DYNC2H1: variants seen among roughly 807,000 people sequenced by gnomAD.
DYNC2H1 encodes cytoplasmic dynein 2 heavy chain 1.
A neutral mutation model predicts 570.0 loss-of-function variants in DYNC2H1; 410 were observed. The observed-to-expected ratio is 0.72, with a 90% CI of 0.66 to 0.78. The LOEUF is 0.78. DYNC2H1 is among the 30% of genes least tolerant of loss of function. The pLI, the probability that DYNC2H1 is intolerant of heterozygous loss-of-function variation, is 0.00. For missense variants in DYNC2H1, 4,865 were observed against 5,046.4 expected (o/e 0.96, Z 1.09); for synonymous variants, 1,688 against 1,677.6 (o/e 1.01, Z -0.15).
intron 75 of DYNC2H1, among the ~76,000 whole-genome samples, chr11:103,295,439 A>G (rs544828808): frequency 2.0e-5 from 3 of 152,358 alleles, no homozygotes; most frequent in South Asian, 4.1e-4. Context: ...ACACAAAGGA[A>G]TGTTCTCTGG....
intron 80 of DYNC2H1, among the ~76,000 whole-genome samples, chr11:103,318,080 T>G (rs562551013): frequency 3.4e-4 from 52 of 152,296 alleles, no homozygotes; most frequent in African/African-American, 1.2e-3. Flanking sequence ...AGGATAAGGA[T>G]GGACAGCTAG....
chr11:103,119,489 G>A (rs373902855), intron 6 of DYNC2H1, among the ~76,000 whole-genome samples: 2 of 151,968 alleles, frequency 1.3e-5, no homozygotes, highest in African/African-American at 2.4e-5. Flanking sequence ...ACAGGTGCAC[G>A]CCACCACACC....
At position 103,189,855 on chromosome 11, in the gene DYNC2H1, G is replaced by A; in HGVS notation, c.7437+39G>A. On this transcript the variant is annotated intron_variant, in intron 45 of 88. Coordinates refer to ENST00000375735, the MANE Select transcript of DYNC2H1 (RefSeq NM_001377.3). This position sits in a 1 kb window ranked among gnomAD's most constrained non-coding sequence, Gnocchi z 4.3. Reference sequence around the variant, plus strand: ...TAAATTGTAGCTTTCATGTCTATTAGTATCATTTCTAAAGGTCTACTTTTA... The same window carrying A: ...TAAATTGTAGCTTTCATGTCTATTAATATCATTTCTAAAGGTCTACTTTTA... The A allele has an allele frequency of 1.3e-6, 2 of 1,543,746 alleles. No homozygotes were observed. The highest frequency in any genetic ancestry group is 1.7e-6 in the Non-Finnish European group (2 of 1,150,344).
chr11:103,153,545 G>GA lies in DYNC2H1; in HGVS notation c.3302+43dup, dbSNP rs756787586. On this transcript the variant is annotated intron_variant, in intron 22 of 88. Coordinates refer to ENST00000375735, the MANE Select transcript of DYNC2H1 (RefSeq NM_001377.3). ...CTTTAAAATTGATAGTGCTTATTTTGAAAAAACAATTTATATATCAAGCTA... is the reference window on the plus strand; with the variant it reads ...CTTTAAAATTGATAGTGCTTATTTTGAAAAAAACAATTTATATATCAAGCTA... 4.7e-6 allele frequency: 7 copies of GA among 1,486,578 alleles called. No homozygotes were observed. The South Asian group carries it at 6.6e-5, about 14-fold the overall frequency. 92.1% of individuals were successfully genotyped at this position (1,486,578 alleles called of 1,614,324 possible).
rs1398097208 is a variant in DYNC2H1 at position 103,145,491 on chromosome 11, T to G, written c.2702+2096T>G. ...CACCTGACTGCCTAAGAACCTCTACTGCTTCCTCTACTATTTTTTTGTCCC... is the reference window on the plus strand; with the variant it reads ...CACCTGACTGCCTAAGAACCTCTACGGCTTCCTCTACTATTTTTTTGTCCC... On this transcript the variant is annotated intron_variant, in intron 18 of 88. Coordinates refer to ENST00000375735, the MANE Select transcript of DYNC2H1 (RefSeq NM_001377.3). This position sits in a 1 kb window ranked among gnomAD's most constrained non-coding sequence, Gnocchi z 4.2. Among the ~76,000 whole-genome samples the G allele has an allele frequency of 1.3e-5, 2 of 152,178 alleles. No individual in the cohort carries two copies. Among genetic ancestry groups the G allele is most frequent in the Non-Finnish European group, 2.9e-5 (2 of 68,028 alleles).
chr11:103,211,325 G>T (rs1463359536), intron 53 of DYNC2H1, among the ~76,000 whole-genome samples: 1 of 151,974 alleles, frequency 6.6e-6, no homozygotes, highest in Non-Finnish European at 1.5e-5. Context: ...TGGATATATT[G>T]AATCTAGTGT....
intron 84 of DYNC2H1, among the ~76,000 whole-genome samples, chr11:103,426,364 C>A (rs1414105263): frequency 6.6e-6 from 1 of 152,132 alleles, no homozygotes; most frequent in Non-Finnish European, 1.5e-5. Flanking sequence ...ATTCCTCTAG[C>A]CTTGCTGGAT....
intron 30 of DYNC2H1, among the ~76,000 whole-genome samples, chr11:103,164,613 G>C (rs1190427738): frequency 6.6e-6 from 1 of 152,128 alleles, no homozygotes; most frequent in Non-Finnish European, 1.5e-5. Context: ...ATCCTGAGTA[G>C]AACATTTTGA....
chr11:103,162,451 A>G (rs1027854284), intron 29 of DYNC2H1, among the ~76,000 whole-genome samples: 1 of 152,138 alleles, frequency 6.6e-6, no homozygotes, highest in African/African-American at 2.4e-5. Context: ...TTATTATTTT[A>G]TATATAATCA....
intron 82 of DYNC2H1, among the ~76,000 whole-genome samples, chr11:103,342,401 A>G (rs1034228744): frequency 6.6e-6 from 1 of 152,194 alleles, no homozygotes; most frequent in African/African-American, 2.4e-5. Context: ...TGGCCACCCC[A>G]GCCAGCTGCA....
chr11:103,206,348 T>C (rs1018768697), intron 52 of DYNC2H1, among the ~76,000 whole-genome samples: 2 of 152,104 alleles, frequency 1.3e-5, no homozygotes, highest in Non-Finnish European at 2.9e-5. Flanking sequence ...AAATATGAGA[T>C]ACCAGACATT....
intron 79 of DYNC2H1, among the ~76,000 whole-genome samples, chr11:103,313,979 A>C (rs971165615): frequency 6.6e-6 from 1 of 152,150 alleles, no homozygotes; most frequent in African/African-American, 2.4e-5. Context: ...CTCTGTCCTT[A>C]GCCTAATATA....
At chr11:103,195,117 G>C (rs1241130768) in intron 47 of DYNC2H1, among the ~76,000 whole-genome samples, 4 of 152,140 alleles carry the variant, frequency 2.6e-5, no homozygotes, top group African/African-American at 9.7e-5. Context: ...CTCTCAGTAG[G>C]CTTGTCTCTT....
In DYNC2H1 at chr11:103,287,948, G is replaced by C. The variant is rs1294717328; in HGVS notation, c.11095+343G>C. On this transcript the variant is annotated intron_variant, in intron 75 of 88. Coordinates refer to ENST00000375735, the MANE Select transcript of DYNC2H1 (RefSeq NM_001377.3). ...TCAAATCAGTCTCCCTGAGCATTGGGGGTTACTATTTAAAGATGATTTGGT... is the reference window on the plus strand; with the variant it reads ...TCAAATCAGTCTCCCTGAGCATTGGCGGTTACTATTTAAAGATGATTTGGT... 2.0e-5 allele frequency among the ~76,000 whole-genome samples: 3 copies of C among 152,076 alleles called. No individual in the cohort carries two copies. In the East Asian group the frequency reaches 5.8e-4, roughly 29 times the overall value.
chr11:103,273,748 G>T (rs1024754537), intron 70 of DYNC2H1, among the ~76,000 whole-genome samples: 2 of 152,072 alleles, frequency 1.3e-5, no homozygotes, highest in Non-Finnish European at 2.9e-5. Flanking sequence ...AGAAGATCCT[G>T]GTTGGCCTGT....
chr11:103,424,704 C>T (rs200458275), intron 84 of DYNC2H1, among the ~76,000 whole-genome samples: 1 of 40,166 alleles, frequency 2.5e-5, no homozygotes, highest in African/African-American at 2.5e-4. Context: ...AACTGGCTCT[C>T]CAAAAAAAAA....
At chr11:103,321,299 T>C in intron 81 of DYNC2H1, 62 bp downstream of exon 81, 1 of 1,384,894 alleles carries the variant, frequency 7.2e-7, no homozygotes, top group Non-Finnish European at 1.0e-6. Flanking sequence ...TTTCTTACAT[T>C]GTTAAATACA....
At position 103,417,560 on chromosome 11, in the gene DYNC2H1, C is replaced by CTAG. The variant is rs60823594; in HGVS notation, c.12366+17690_12366+17692dup. Among the ~76,000 whole-genome samples the CTAG allele has an allele frequency of 8.4e-3, 1,281 of 152,204 alleles. 15 individuals are homozygous for CTAG. The highest frequency in any genetic ancestry group is 0.03 in the African/African-American group (1,241 of 41,528). On this transcript the variant is annotated intron_variant, in intron 84 of 88. Coordinates refer to ENST00000375735, the MANE Select transcript of DYNC2H1 (RefSeq NM_001377.3). ...TGGATAATGCATCATCCCCACAATA[C>CTAG]TAGTGTAGGCTAACATTTTAAAAAT...
intron 83 of DYNC2H1, among the ~76,000 whole-genome samples, chr11:103,377,603 T>G (rs1054254588): frequency 6.6e-6 from 1 of 152,180 alleles, no homozygotes; most frequent in African/African-American, 2.4e-5. Context: ...AAACTAAAAA[T>G]GAAACTAATC....
Sources: allele counts gnomAD v4.1 joint callset (sites outside exome capture counted in the v4.1 genomes callset), GRCh38; gene constraint gnomAD v4.1.1; non-coding constraint Gnocchi (gnomAD v3.1); transcripts MANE v1.5; gene names NCBI Gene and HGNC (gene_info 2026-07-23, HGNC 2026-07-21).